PDE10A: variants seen among roughly 807,000 people sequenced by gnomAD.
PDE10A encodes phosphodiesterase 10A.
A neutral mutation model predicts 97.7 loss-of-function variants in PDE10A; 39 were observed. The observed-to-expected ratio is 0.40, with a 90% CI of 0.31 to 0.52. The LOEUF (loss-of-function observed/expected upper bound fraction) is 0.52. Ranked by LOEUF, PDE10A falls within the 20% of genes least tolerant of loss-of-function variation. The pLI is 0.56. For missense variants in PDE10A, 731 were observed against 1,047.8 expected, an observed-to-expected ratio of 0.70 and a Z score of 4.17; for synonymous variants, 371 against 376.8, an observed-to-expected ratio of 0.98 and a Z score of 0.18.
chr6:165,807,778 T>C (rs140487464), intron 1 of PDE10A, among the ~76,000 whole-genome samples: 439 of 152,228 alleles, frequency 2.9e-3, no homozygotes, highest in African/African-American at 9.9e-3. Context: ...TCACCACCCT[T>C]GGGCTCTGGA....
chr6:165,862,255 T>C (rs540128329), intron 1 of PDE10A, among the ~76,000 whole-genome samples: 1 of 152,348 alleles, frequency 6.6e-6, no homozygotes, highest in African/African-American at 2.4e-5. Context: ...ACCTTGTAAA[T>C]ATGTTGTAAG....
At chr6:165,926,661 C>T (rs146292981) in intron 1 of PDE10A, among the ~76,000 whole-genome samples, 9 of 152,252 alleles carry the variant, frequency 5.9e-5, no homozygotes, top group East Asian at 1.9e-4. Context: ...GCATCCAACC[C>T]GAGAAAAATC....
chr6:165,757,682 T>C (rs1793148801), intron 1 of PDE10A, among the ~76,000 whole-genome samples: 1 of 152,218 alleles, frequency 6.6e-6, no homozygotes, highest in South Asian at 2.1e-4. Context: ...ATCTGTTGCA[T>C]TGATTTATAC....
At chr6:165,945,212 A>G (rs746443803) in intron 1 of PDE10A, among the ~76,000 whole-genome samples, 35 of 152,152 alleles carry the variant, frequency 2.3e-4, no homozygotes, top group Non-Finnish European at 4.7e-4. Flanking sequence ...CCTCCTGACA[A>G]CAGCCATGTG....
chr6:165,967,236 C>A (rs539114837), intron 1 of PDE10A, among the ~76,000 whole-genome samples: 1 of 152,188 alleles, frequency 6.6e-6, no homozygotes, highest in Admixed American at 6.5e-5. Context: ...CAGTGGTTCA[C>A]GCCTGTAATC....
intron 1 of PDE10A, among the ~76,000 whole-genome samples, chr6:165,578,702 T>C (rs1449585813): frequency 6.6e-6 from 1 of 152,186 alleles, no homozygotes; most frequent in Non-Finnish European, 1.5e-5. Context: ...TTACATGGCA[T>C]AATATAAAGT....
intron 17 of PDE10A, among the ~76,000 whole-genome samples, chr6:165,386,933 G>A (rs985918654): frequency 2.0e-5 from 3 of 152,018 alleles, no homozygotes; most frequent in Middle Eastern, 3.4e-3. Flanking sequence ...GGAGAATGGC[G>A]TGAATCCAGG....
chr6:165,970,552 A>G (rs1784638221), intron 1 of PDE10A, among the ~76,000 whole-genome samples: 1 of 152,218 alleles, frequency 6.6e-6, no homozygotes, highest in African/African-American at 2.4e-5. Flanking sequence ...ATATATAAAA[A>G]AACTGTTTAA....
chr6:165,477,065 G>A (rs1335342185), intron 3 of PDE10A, among the ~76,000 whole-genome samples: 2 of 152,150 alleles, frequency 1.3e-5, no homozygotes, highest in African/African-American at 4.8e-5. Flanking sequence ...ATGACCAACA[G>A]AGATCTGACT....
intron 1 of PDE10A, among the ~76,000 whole-genome samples, chr6:165,599,984 C>T (rs546322303): frequency 6.6e-5 from 10 of 152,312 alleles, no homozygotes; most frequent in African/African-American, 2.2e-4. Flanking sequence ...ACTGCCCTCC[C>T]AACAGATTCC....
At chr6:165,516,810 T>C (rs1162160643) in intron 2 of PDE10A, among the ~76,000 whole-genome samples, 2 of 152,188 alleles carry the variant, frequency 1.3e-5, no homozygotes, top group East Asian at 1.9e-4. Flanking sequence ...CCTTTAACCA[T>C]GTTCTTACAA....
At chr6:165,338,193 C>A (rs895026892) in intron 20 of PDE10A, among the ~76,000 whole-genome samples, 1 of 152,228 alleles carries the variant, frequency 6.6e-6, no homozygotes, top group Non-Finnish European at 1.5e-5. Flanking sequence ...GAGGCAATGG[C>A]CATTCATTCA....
At chr6:165,721,416 A>G (rs1029404871) in intron 1 of PDE10A, among the ~76,000 whole-genome samples, 1 of 152,160 alleles carries the variant, frequency 6.6e-6, no homozygotes, top group Non-Finnish European at 1.5e-5. Context: ...AGGTAAGTGG[A>G]TATTTTGAGG....
intron 1 of PDE10A, among the ~76,000 whole-genome samples, chr6:165,796,776 T>C (rs1778842767): frequency 6.6e-6 from 1 of 152,154 alleles, no homozygotes; most frequent in Non-Finnish European, 1.5e-5. Context: ...GCTATGTGCC[T>C]TGGGTTTCAA....
At chr6:165,960,546 T>C (rs1389459737) in intron 1 of PDE10A, among the ~76,000 whole-genome samples, 1 of 152,116 alleles carries the variant, frequency 6.6e-6, no homozygotes, top group Non-Finnish European at 1.5e-5. Context: ...TAAATTTTAG[T>C]ACATCAAAGA....
intron 1 of PDE10A, among the ~76,000 whole-genome samples, chr6:165,653,785 C>T (rs1789802720): frequency 6.6e-6 from 1 of 152,132 alleles, no homozygotes; most frequent in African/African-American, 2.4e-5. Flanking sequence ...CCACACCGTG[C>T]CCTCTGGCAC....
At chr6:165,380,134 T>C (rs1784842398) in intron 17 of PDE10A, among the ~76,000 whole-genome samples, 1 of 152,154 alleles carries the variant, frequency 6.6e-6, no homozygotes, top group Non-Finnish European at 1.5e-5. Flanking sequence ...AATTTTAAGG[T>C]TTTTATTTGT....
chr6:165,743,972 G>A (rs960865690), intron 1 of PDE10A, among the ~76,000 whole-genome samples: 3 of 152,208 alleles, frequency 2.0e-5, no homozygotes, highest in African/African-American at 7.2e-5. Flanking sequence ...GATGTGTGAG[G>A]GGTAGGTACT....
chr6:165,805,034 G>A (rs1414854439), intron 1 of PDE10A, among the ~76,000 whole-genome samples: 1 of 149,522 alleles, frequency 6.7e-6, no homozygotes, highest in East Asian at 2.0e-4. Context: ...CGTGGGGCGA[G>A]CACAGGGGCG....
Sources: gnomAD v4.1 joint callset for allele counts (sites outside exome capture counted in the v4.1 genomes callset) on GRCh38, gnomAD v4.1.1 for gene constraint, MANE v1.5 for transcripts, NCBI Gene and HGNC (gene_info 2026-07-23, HGNC 2026-07-21) for gene names.